CXCR3: variants seen among roughly 807,000 people sequenced by gnomAD.
The protein encoded by CXCR3 is C-X-C chemokine receptor type 3.
For synonymous variants in CXCR3, 136 were observed against 148.0 expected, an observed-to-expected ratio of 0.92 and a Z score of 0.59; for missense variants, 239 against 310.2, an observed-to-expected ratio of 0.77 and a Z score of 1.72.
rs1409933381 is a variant in CXCR3 at position 71,616,560 on chromosome X, T to C, written c.912A>G (p.Ser304=). Residue 304 remains serine, a synonymous_variant, in exon 2 of 2, where the codon TCA becomes TCG. Coordinates refer to ENST00000373693, the MANE Select transcript of CXCR3 (RefSeq NM_001504.2). ...SRVDVAKSVT[S]GLGYMHCCLN... Reference sequence around the variant, plus strand: ...GGCAGCAGTGCATGTAGCCCAGGCCTGAGGTGACCGACTTGGCCACGTCTA... The same window carrying C: ...GGCAGCAGTGCATGTAGCCCAGGCCCGAGGTGACCGACTTGGCCACGTCTA... The C allele has an allele frequency of 8.3e-7, 1 of 1,211,226 alleles. No individual in the cohort carries two copies.
chrX:71,618,493 C>T lies in CXCR3; in HGVS notation c.-44G>A. ...GCTGCTGGGTGGTGTGCTGCCTGCC[C>T]CTCTGCTTTGGTGCTTGTGGTTGGA... On this transcript the variant is annotated 5_prime_UTR_variant, in exon 1 of 2. Coordinates refer to ENST00000373693, the MANE Select transcript of CXCR3 (RefSeq NM_001504.2). The T allele has an allele frequency of 9.9e-7, 1 of 1,014,751 alleles. No homozygotes were observed. Among genetic ancestry groups the T allele is most frequent in the Non-Finnish European group, 1.4e-6 (1 of 716,827 alleles). 83.6% of individuals were successfully genotyped at this position (1,014,751 alleles called of 1,213,427 possible).
rs376372291 is a variant in CXCR3 at position 71,616,887 on chromosome X, G to A, written c.585C>T (p.Asp195=). 7 of 1,205,785 alleles carry A rather than the reference G, an allele frequency of 5.8e-6. No homozygotes were observed. The highest frequency in any genetic ancestry group is 7.8e-6 in the Non-Finnish European group (7 of 892,399). The change falls in exon 2 of 2, where the codon GAC becomes GAT. Residue 195 remains aspartate (D), a synonymous_variant. Transcript: ENST00000373693. The stretch of plus-strand genomic sequence containing the variant: ...GGCAGTGGGTGGCGTTGAGGCGCTC[G>A]TCGTGGTGGGCCGACAGGAAGATGA... ...PDFIFLSAHH[D]ERLNATHCQY... is the part of the protein sequence containing the mutation.
At position 71,616,776 on chromosome X, in the gene CXCR3, G is replaced by A. The variant is rs1464600255; in HGVS notation, c.696C>T (p.Ala232=). The A allele has an allele frequency of 2.5e-6, 3 of 1,205,227 alleles. No homozygotes were observed. Residue 232 remains alanine, a synonymous_variant, in exon 2 of 2, where the codon GCC becomes GCT. Coordinates refer to ENST00000373693, the MANE Select transcript of CXCR3 (RefSeq NM_001504.2). Reference sequence around the variant, plus strand: ...CGGCCAGGATGTGGGCATAGCAGTAGGCCATGACCAGCAGGGGCAGCAGAA... The same window carrying A: ...CGGCCAGGATGTGGGCATAGCAGTAAGCCATGACCAGCAGGGGCAGCAGAA... ...AGFLLPLLVM[A]YCYAHILAVL...
chrX:71,617,663 C>A, intron 1 of CXCR3: 1 of 1,104,392 alleles, frequency 9.1e-7, no homozygotes, highest in East Asian at 3.3e-5. Context: ...AAGGCTGCTT[C>A]TCTCGCATTC....
At position 71,617,152 on chromosome X, in the gene CXCR3, G is replaced by A. The variant is rs1236384823; in HGVS notation, c.320C>T (p.Pro107Leu). Reference protein sequence around the residue: ...VADTLLVLTLPLWAVDAAVQW... With the variant: ...VADTLLVLTLLLWAVDAAVQW... ...GACGGCAGCGTCCACTGCCCAGAGC[G>A]GCAGTGTCAGCACCAGCAGCGTGTC... Residue 107 changes from proline (P) to leucine (L), a missense_variant, in exon 2 of 2, where the codon CCG becomes CTG. Pro to Leu is a moderately conservative substitution (Grantham distance 98). Transcript: ENST00000373693. The A allele has an allele frequency of 3.3e-6, 4 of 1,206,777 alleles. No individual in the cohort carries two copies. The highest frequency in any genetic ancestry group is 1.8e-5 in the South Asian group (1 of 56,284).
In CXCR3 at chrX:71,617,154, C is replaced by T; in HGVS notation, c.318G>A (p.Leu106=). 8.3e-7 allele frequency: 1 copy of T among 1,208,406 alleles called. No homozygotes were observed. Among genetic ancestry groups the T allele is most frequent in the Non-Finnish European group, 1.1e-6 (1 of 893,729 alleles). Residue 106 remains leucine (L), a synonymous_variant, in exon 2 of 2, where the codon CTG becomes CTA. Transcript: ENST00000373693. Reference sequence around the variant, plus strand: ...CGGCAGCGTCCACTGCCCAGAGCGGCAGTGTCAGCACCAGCAGCGTGTCTG... The same window carrying T: ...CGGCAGCGTCCACTGCCCAGAGCGGTAGTGTCAGCACCAGCAGCGTGTCTG... ...AVADTLLVLT[L]PLWAVDAAVQ...
rs753816320 is a variant in CXCR3, at chrX:71,616,692, G to A, written c.780C>T (p.Val260=). 11 of 1,208,735 alleles carry A rather than the reference G, an allele frequency of 9.1e-6. No individual in the cohort carries two copies. The South Asian group carries it at 1.6e-4, about 17-fold the overall frequency. ...TCCAGCAGAGGGCAAAGGCCACCAC[G>A]ACCACCACCACCAGCCGCATGGCCC... ...RLRAMRLVVV[V]VVAFALCWTP... The change falls in exon 2 of 2, where the codon GTC becomes GTT. Residue 260 remains valine (V), a synonymous_variant. Coordinates refer to ENST00000373693, the MANE Select transcript of CXCR3 (RefSeq NM_001504.2).
Position 71,617,329 on chromosome X carries a change from C to G in CXCR3, c.143G>C (p.Ser48Thr). The G allele has an allele frequency of 2.5e-6, 3 of 1,210,582 alleles. No individual in the cohort carries two copies. The highest frequency in any genetic ancestry group is 3.5e-5 in the South Asian group (2 of 56,595). ...CTSPPCPQDF[S>T]LNFDRAFLPA... ...CAGGAAGGCCCGGTCGAAGTTCAGGCTGAAGTCCTGTGGGCAGGGCGGGGA... is the reference window on the plus strand; with the variant it reads ...CAGGAAGGCCCGGTCGAAGTTCAGGGTGAAGTCCTGTGGGCAGGGCGGGGA... Residue 48 changes from serine (S) to threonine (T), a missense_variant, in exon 2 of 2, where the codon AGC becomes ACC. Physicochemically the swap from Ser to Thr is moderately conservative, Grantham distance 58. Coordinates refer to ENST00000373693, the MANE Select transcript of CXCR3 (RefSeq NM_001504.2).
At chrX:71,618,384 C>T in intron 1 of CXCR3, 54 bp downstream of exon 1, 1 of 1,211,464 alleles carries the variant, frequency 8.3e-7, no homozygotes, top group Non-Finnish European at 1.1e-6. Flanking sequence ...CCCCTGATGC[C>T]CCGGGTTTTC....
Position 71,616,084 on chromosome X carries a change from C to A in CXCR3, c.*281G>T, listed in dbSNP as rs1468468711. 7 of 341,385 alleles carry A rather than the reference C, an allele frequency of 2.1e-5. No individual in the cohort carries two copies. The highest frequency in any genetic ancestry group is 3.5e-5 in the Non-Finnish European group (7 of 198,226). The allele number at this position is 341,385 out of a possible 1,213,427, so 28.1% of individuals were successfully genotyped here. A position where few individuals can be genotyped will look rare whatever the true frequency, so the allele number is the denominator to read the frequency against. On this transcript the variant is annotated 3_prime_UTR_variant, in exon 2 of 2. Coordinates refer to ENST00000373693, the MANE Select transcript of CXCR3 (RefSeq NM_001504.2). Reference sequence around the variant, plus strand: ...CCTCTACGCCATGCCTTGTACTCCCCGCACTTGGGGAAGATGAAGTTTTAG... The same window carrying A: ...CCTCTACGCCATGCCTTGTACTCCCAGCACTTGGGGAAGATGAAGTTTTAG...
chrX:71,616,080 T>G lies in CXCR3; in HGVS notation c.*285A>C. On this transcript the variant is annotated 3_prime_UTR_variant, in exon 2 of 2. Transcript: ENST00000373693. Reference sequence around the variant, plus strand: ...GCACCCTCTACGCCATGCCTTGTACTCCCCGCACTTGGGGAAGATGAAGTT... The same window carrying G: ...GCACCCTCTACGCCATGCCTTGTACGCCCCGCACTTGGGGAAGATGAAGTT... 1 of 334,744 alleles carries G rather than the reference T, an allele frequency of 3.0e-6. No homozygotes were observed. Among genetic ancestry groups the G allele is most frequent in the Non-Finnish European group, 5.2e-6 (1 of 194,089 alleles). 27.6% of individuals were successfully genotyped at this position (334,744 alleles called of 1,213,427 possible). A position where few individuals can be genotyped will look rare whatever the true frequency, so the allele number is the denominator to read the frequency against.
chrX:71,617,498 G>C, intron 1 of CXCR3, 39 bp from the exon 2 acceptor site: 1 of 1,204,123 alleles, frequency 8.3e-7, no homozygotes, highest in Non-Finnish European at 1.1e-6. Flanking sequence ...GCTGTGTAAA[G>C]GCCTGGCAGG....
intron 1 of CXCR3, 148 bp from the exon 2 acceptor site, chrX:71,617,607 C>A (rs2040862730): frequency 1.8e-6 from 2 of 1,128,938 alleles, no homozygotes; most frequent in Admixed American, 2.9e-5. Context: ...ACTTCCTCAA[C>A]TCCATCCGCT....
At position 71,616,889 on chromosome X, in the gene CXCR3, C is replaced by T. The variant is rs913064075; in HGVS notation, c.583G>A (p.Asp195Asn). ...PDFIFLSAHH[D>N]ERLNATHCQY... ...CAGTGGGTGGCGTTGAGGCGCTCGT[C>T]GTGGTGGGCCGACAGGAAGATGAAG... is the stretch of plus-strand genomic sequence containing the variant. Residue 195 changes from aspartate to asparagine, a missense_variant, in exon 2 of 2, where the codon GAC becomes AAC. Coordinates refer to ENST00000373693, the MANE Select transcript of CXCR3 (RefSeq NM_001504.2). 4 of 1,204,941 alleles carry T rather than the reference C, an allele frequency of 3.3e-6. No homozygotes were observed. The highest frequency in any genetic ancestry group is 3.6e-5 in the South Asian group (2 of 55,982).
Position 71,617,099 on chromosome X carries a change from T to C in CXCR3, c.373A>G (p.Lys125Glu). The C allele has an allele frequency of 8.3e-7, 1 of 1,200,811 alleles. No individual in the cohort carries two copies. The highest frequency in any genetic ancestry group is 1.1e-6 in the Non-Finnish European group (1 of 888,068). Residue 125 changes from lysine to glutamate, a missense_variant, in exon 2 of 2, where the codon AAA becomes GAA. Lys to Glu is a moderately conservative substitution (Grantham distance 56). Transcript: ENST00000373693. ...ATGTTGAAGAGGGCACCTGCCACTT[T>C]GCAGAGGCCAGAGCCAAAGACCCAC... Reference protein sequence around the residue: ...VQWVFGSGLCKVAGALFNINF... With the variant: ...VQWVFGSGLCEVAGALFNINF...
In CXCR3 at chrX:71,615,956, A is replaced by G. The variant is rs1461549115; in HGVS notation, c.*409T>C. 3 of 135,420 alleles carry G rather than the reference A, an allele frequency of 2.2e-5. No individual in the cohort carries two copies. The highest frequency in any genetic ancestry group is 9.4e-5 in the African/African-American group (3 of 31,939). The allele number at this position is 135,420 out of a possible 1,213,427, so 11.2% of individuals were successfully genotyped here. A position where few individuals can be genotyped will look rare whatever the true frequency, so the allele number is the denominator to read the frequency against. ...TGTTTATTGAAAAGTTTTAAGCAGG[A>G]TTTTAGACATAAAAATAAAAGAGCA... On this transcript the variant is annotated 3_prime_UTR_variant, in exon 2 of 2. Transcript: ENST00000373693.
rs773481155 is a variant in CXCR3, at chrX:71,617,105, G to A, written c.367C>T (p.Leu123Phe). The A allele has an allele frequency of 9.2e-6, 11 of 1,200,641 alleles. No individual in the cohort carries two copies. The highest frequency in any genetic ancestry group is 1.8e-5 in the African/African-American group (1 of 57,138). ...AAGAGGGCACCTGCCACTTTGCAGA[G>A]GCCAGAGCCAAAGACCCACTGGACG... ...AAVQWVFGSG[L>F]CKVAGALFNI... Residue 123 changes from leucine (L) to phenylalanine (F), a missense_variant, in exon 2 of 2, where the codon CTC (leucine) becomes TTC (phenylalanine). Transcript: ENST00000373693.
Position 71,616,597 on chromosome X carries a change from C to G in CXCR3, c.875G>C (p.Arg292Pro), listed in dbSNP as rs139226823. 1 of 1,212,093 alleles carries G rather than the reference C, an allele frequency of 8.3e-7. No individual in the cohort carries two copies. The highest frequency in any genetic ancestry group is 1.1e-6 in the Non-Finnish European group (1 of 895,603). ...CTTGGCCACGTCTACCCTGCTTTCT[C>G]GGCCACAGTTGCGGGCCAAAGCGCC... Reference protein sequence around the residue: ...DLGALARNCGRESRVDVAKSV... With the variant: ...DLGALARNCGPESRVDVAKSV... The change falls in exon 2 of 2, where the codon CGA becomes CCA. Residue 292 changes from arginine to proline, a missense_variant. Coordinates refer to ENST00000373693, the MANE Select transcript of CXCR3 (RefSeq NM_001504.2).
intron 1 of CXCR3, among the ~76,000 whole-genome samples, chrX:71,617,929 C>A (rs2040866595): frequency 1.0e-5 from 1 of 98,223 alleles, no homozygotes; most frequent in East Asian, 3.4e-4. Context: ...TTCCTGCGCC[C>A]CCCCCCACCG....
Sources: allele counts gnomAD v4.1 joint callset (sites outside exome capture counted in the v4.1 genomes callset), GRCh38; gene constraint gnomAD v4.1.1; transcripts MANE v1.5; gene names NCBI Gene and HGNC (gene_info 2026-07-23, HGNC 2026-07-21).